TNPO1: variants seen among roughly 807,000 people sequenced by gnomAD.
TNPO1 encodes the protein transportin 1.
A neutral mutation model predicts 119.5 loss-of-function variants in TNPO1; 8 were observed. The observed-to-expected ratio is 0.07, with a 90% CI of 0.04 to 0.12. The LOEUF (loss-of-function observed/expected upper bound fraction) is 0.12. Ranked by LOEUF, TNPO1 falls within the 10% of genes least tolerant of loss-of-function variation. The pLI, the probability that TNPO1 is intolerant of heterozygous loss-of-function variation, is 1.00. For synonymous variants in TNPO1, 362 were observed against 363.0 expected, an observed-to-expected ratio of 1.00 and a Z score of 0.03; for missense variants, 576 against 1,089.8, an observed-to-expected ratio of 0.53 and a Z score of 6.64.
chr5:72,862,846 C>T (rs1336442259), intron 5 of TNPO1, among the ~76,000 whole-genome samples: 7 of 152,056 alleles, frequency 4.6e-5, no homozygotes, highest in Non-Finnish European at 7.4e-5. Context: ...CAGAGTTTCA[C>T]CATGTTGGAC....
chr5:72,908,868 G>GGATTT lies in TNPO1; in HGVS notation c.*196_*197insATTTG. 2.2e-6 allele frequency: 1 copy of GGATTT among 453,798 alleles called. No individual in the cohort carries two copies. Among genetic ancestry groups the GGATTT allele is most frequent in the Non-Finnish European group, 4.4e-6 (1 of 225,616 alleles). 28.1% of individuals were successfully genotyped at this position (453,798 alleles called of 1,614,324 possible). ...GCCGTCACTGTATTAAGTCGATGTTGGGAAACGTTTTAACATCTGGAGCCT... is the reference window on the plus strand; with the variant it reads ...GCCGTCACTGTATTAAGTCGATGTTGGATTTGGAAACGTTTTAACATCTGGAGCCT... On this transcript the variant is annotated 3_prime_UTR_variant, in exon 25 of 25. Coordinates refer to ENST00000337273, the MANE Select transcript of TNPO1 (RefSeq NM_002270.4).
chr5:72,829,963 A>G (rs1239123422), intron 1 of TNPO1, among the ~76,000 whole-genome samples: 2 of 152,084 alleles, frequency 1.3e-5, no homozygotes, highest in Non-Finnish European at 2.9e-5. Flanking sequence ...CCTTGGCCTG[A>G]TACCCCTGCC....
intron 9 of TNPO1, 52 bp downstream of exon 9, chr5:72,877,398 T>G (rs1464405193): frequency 2.4e-5 from 20 of 830,938 alleles, no homozygotes; most frequent in Non-Finnish European, 3.5e-5. Context: ...TCTTAAGTGA[T>G]TCTTCATTTT....
chr5:72,911,033 CT>C lies in TNPO1; in HGVS notation c.*2366del, dbSNP rs1268708863. 2 of 151,966 alleles carry C rather than the reference CT, an allele frequency of 1.3e-5. No homozygotes were observed. The highest frequency in any genetic ancestry group is 4.8e-5 in the African/African-American group (2 of 41,392). The allele number at this position is 151,966 out of a possible 1,614,324, so 9.4% of individuals were successfully genotyped here. ...AGTCTTTAATAACTGAGTAGAGTAG[CT>C]TTTTTATTCTTAGATTATAGTGATA... is the stretch of plus-strand genomic sequence containing the variant. On this transcript the variant is annotated 3_prime_UTR_variant, in exon 25 of 25. Coordinates refer to ENST00000337273, the MANE Select transcript of TNPO1 (RefSeq NM_002270.4).
At chr5:72,891,248 A>G (rs546877334) in intron 14 of TNPO1, among the ~76,000 whole-genome samples, 1 of 152,010 alleles carries the variant, frequency 6.6e-6, no homozygotes, top group East Asian at 2.0e-4. Context: ...GGGCAGATCA[A>G]AAGGTCAGGA....
rs899927221 is a variant in TNPO1 at position 72,911,319 on chromosome 5, C to T, written c.*2646C>T. 6 of 145,338 alleles carry T rather than the reference C, an allele frequency of 4.1e-5. No individual in the cohort carries two copies. The South Asian group carries it at 1.3e-3, about 32-fold the overall frequency. 9.0% of individuals were successfully genotyped at this position (145,338 alleles called of 1,614,324 possible). A position where few individuals can be genotyped will look rare whatever the true frequency, so the allele number is the denominator to read the frequency against. On this transcript the variant is annotated 3_prime_UTR_variant, in exon 25 of 25. Coordinates refer to ENST00000337273, the MANE Select transcript of TNPO1 (RefSeq NM_002270.4). Reference sequence around the variant, plus strand: ...TGCACCCAGTTTTGTAGTCACTTGACTTTTTTTTTTTATTTAAATGAAATT... The same window carrying T: ...TGCACCCAGTTTTGTAGTCACTTGATTTTTTTTTTTTATTTAAATGAAATT...
At chr5:72,889,681 T>C (rs1314951196) in intron 13 of TNPO1, 105 bp from the exon 14 acceptor site, 10 of 1,291,982 alleles carry the variant, frequency 7.7e-6, no homozygotes, top group Middle Eastern at 2.2e-4. Flanking sequence ...TTAGACCATT[T>C]TAGGAAATTC....
chr5:72,899,822 C>T (rs1749688950), intron 20 of TNPO1, among the ~76,000 whole-genome samples, 184 bp from the exon 21 acceptor site: 2 of 152,000 alleles, frequency 1.3e-5, no homozygotes, highest in Admixed American at 6.6e-5. Context: ...GTTGCTGCCC[C>T]TTATTTTAGG....
intron 9 of TNPO1, among the ~76,000 whole-genome samples, chr5:72,879,880 A>G (rs1440710567): frequency 3.3e-5 from 5 of 152,180 alleles, no homozygotes; most frequent in Non-Finnish European, 7.3e-5. Flanking sequence ...TCATAAATAT[A>G]AACTCATTTA....
At chr5:72,848,562 G>A in intron 2 of TNPO1, 64 bp downstream of exon 2, 3 of 1,028,484 alleles carry the variant, frequency 2.9e-6, no homozygotes, top group Non-Finnish European at 3.9e-6. Context: ...CCAGCCCCCG[G>A]CGGCCGGGGG....
At chr5:72,852,357 T>G (rs1745647145) in intron 3 of TNPO1, among the ~76,000 whole-genome samples, 2 of 152,172 alleles carry the variant, frequency 1.3e-5, no homozygotes, top group Admixed American at 6.5e-5. Flanking sequence ...ATTTACAGGC[T>G]CAGGAGAGAA....
chr5:72,854,514 T>C (rs532512980), intron 3 of TNPO1, among the ~76,000 whole-genome samples: 43 of 152,340 alleles, frequency 2.8e-4, no homozygotes, highest in African/African-American at 9.9e-4. Flanking sequence ...ACATGCCAGC[T>C]CTTCATCTTA....
At chr5:72,882,923 G>A (rs187892885) in intron 10 of TNPO1, 141 bp from the exon 11 acceptor site, 10 of 673,606 alleles carry the variant, frequency 1.5e-5, no homozygotes, top group South Asian at 1.9e-5. Flanking sequence ...CTGTACATGG[G>A]CGTGGTTCTT....
intron 6 of TNPO1, among the ~76,000 whole-genome samples, chr5:72,867,458 A>G (rs1580423633): frequency 1.3e-5 from 2 of 152,224 alleles, no homozygotes; most frequent in African/African-American, 4.8e-5. Flanking sequence ...GCCTAGTTCT[A>G]TAGGCAGTGA....
rs964068912 is a variant in TNPO1, at chr5:72,914,043, A to G, written c.*5370A>G. On this transcript the variant is annotated 3_prime_UTR_variant, in exon 25 of 25. Coordinates refer to ENST00000337273, the MANE Select transcript of TNPO1 (RefSeq NM_002270.4). Reference sequence around the variant, plus strand: ...TTCTGCTGACAACTTAGGTTGTATGAGTTATGCTTAAAAGCTTTAAATCTG... The same window carrying G: ...TTCTGCTGACAACTTAGGTTGTATGGGTTATGCTTAAAAGCTTTAAATCTG... 1.3e-5 allele frequency: 2 copies of G among 152,570 alleles called. No individual in the cohort carries two copies. The highest frequency in any genetic ancestry group is 4.8e-5 in the African/African-American group (2 of 41,456). 9.5% of individuals were successfully genotyped at this position (152,570 alleles called of 1,614,324 possible).
intron 1 of TNPO1, among the ~76,000 whole-genome samples, chr5:72,822,688 G>A (rs1361641487): frequency 4.6e-5 from 7 of 151,132 alleles, no homozygotes; most frequent in Admixed American, 4.6e-4. Context: ...TGCCTCCTGG[G>A]TTCAAGCAAT....
In TNPO1 at chr5:72,913,455, A is replaced by G. The variant is rs1579963446; in HGVS notation, c.*4782A>G. Reference sequence around the variant, plus strand: ...ATGTGTTGTGTTTTTTAAAAGATGCATAATAGCTGAATGTATGCATGACTT... The same window carrying G: ...ATGTGTTGTGTTTTTTAAAAGATGCGTAATAGCTGAATGTATGCATGACTT... On this transcript the variant is annotated 3_prime_UTR_variant, in exon 25 of 25. Transcript: ENST00000337273. 3 of 152,504 alleles carry G rather than the reference A, an allele frequency of 2.0e-5. No homozygotes were observed. The highest frequency in any genetic ancestry group is 2.4e-5 in the African/African-American group (1 of 41,456). 9.4% of individuals were successfully genotyped at this position (152,504 alleles called of 1,614,324 possible). A position where few individuals can be genotyped will look rare whatever the true frequency, so the allele number is the denominator to read the frequency against.
rs760797655 is a variant in TNPO1 at position 72,883,128 on chromosome 5, G to A, written c.1046G>A (p.Arg349Gln). Reference protein sequence around the residue: ...SEQDIRPRFHRSRTVAQQHDE... With the variant: ...SEQDIRPRFHQSRTVAQQHDE... ...CAGGATATACGGCCACGTTTTCACCGATCGAGGACGGTGGCTCAGCAGCAT... is the reference window on the plus strand; with the variant it reads ...CAGGATATACGGCCACGTTTTCACCAATCGAGGACGGTGGCTCAGCAGCAT... The change falls in exon 11 of 25, where the codon CGA (arginine) becomes CAA (glutamine). Residue 349 changes from arginine to glutamine, a missense_variant. Arg to Gln is a conservative substitution (Grantham distance 43). Around this residue, in one of 6 missense-constraint regions of TNPO1, gnomAD observed 310 missense variants for 583.0 expected, o/e 0.53. Transcript: ENST00000337273. The A allele has an allele frequency of 1.9e-6, 3 of 1,613,948 alleles. No homozygotes were observed. The highest frequency in any genetic ancestry group is 2.5e-6 in the Non-Finnish European group (3 of 1,180,024).
intron 14 of TNPO1, among the ~76,000 whole-genome samples, chr5:72,890,188 C>G (rs1173153688): frequency 6.6e-6 from 1 of 152,136 alleles, no homozygotes; most frequent in East Asian, 1.9e-4. Context: ...CATGAATGCT[C>G]TGATACTTTT....
Sources: gnomAD v4.1 joint callset for allele counts (sites outside exome capture counted in the v4.1 genomes callset) on GRCh38, gnomAD v4.1.1 for gene constraint, gnomAD v4.1.1 regional missense constraint, MANE v1.5 for transcripts, NCBI Gene and HGNC (gene_info 2026-07-23, HGNC 2026-07-21) for gene names.